The following NT5DC4 variants were observed in gnomAD, a reference collection of about 807,000 sequenced individuals.
The protein encoded by NT5DC4 is 5'-nucleotidase domain containing 4.
NT5DC4 carries 44 observed loss-of-function variants against 26.6 expected under a neutral mutation model. The observed-to-expected ratio is 1.65, with a 90% confidence interval of 1.30 to 2.13. The LOEUF (loss-of-function observed/expected upper bound fraction) is 2.13. NT5DC4 is among the 30% of genes most tolerant of loss of function. The probability of loss-of-function intolerance (pLI) is 0.00; values close to 1 mark genes in which losing one functional copy is unlikely to be tolerated. For synonymous variants in NT5DC4, 157 were observed against 86.7 expected (o/e 1.81, Z -4.51); for missense variants, 399 against 228.1 (o/e 1.75, Z -4.83).
Position 112,722,082 on chromosome 2 carries a change from AC to A in NT5DC4, c.246del (p.Tyr82Ter). On this transcript the variant is annotated frameshift_variant, in exon 3 of 17. Transcript: ENST00000688554. LOFTEE classifies it high-confidence loss of function. ...CCGCATGAGATCCTGCGCTACACCT[AC>A]GACCCCACCTTCCCCACCAGGTGTG... is the stretch of plus-strand genomic sequence containing the variant. ...GYPHEILRYTYDPTFPTRRLV... is the reference protein window; with the variant it reads ...GYPHEILRYTXDPTFPTRRLV... The A allele has an allele frequency of 1.4e-6, 1 of 717,060 alleles. No individual in the cohort carries two copies. Among genetic ancestry groups the A allele is most frequent in the Non-Finnish European group, 2.6e-6 (1 of 385,072 alleles). The allele number at this position is 717,060 out of a possible 1,614,324, so 44.4% of individuals were successfully genotyped here. A position where few individuals can be genotyped will look rare whatever the true frequency, so the allele number is the denominator to read the frequency against.
rs977057783 is a variant in NT5DC4, at chr2:112,723,456, T to A, written c.660T>A (p.Tyr220Ter). 3 of 717,006 alleles carry A rather than the reference T, an allele frequency of 4.2e-6. No homozygotes were observed. The highest frequency in any genetic ancestry group is 7.8e-6 in the Non-Finnish European group (3 of 385,036). 44.4% of individuals were successfully genotyped at this position (717,006 alleles called of 1,614,324 possible). ...LKKTLEDLEKYVKKDPRLPIL... is the reference protein window; with the variant it reads ...LKKTLEDLEK ...AGACCCTGGAGGACTTGGAGAAATATGTGAAGAAGGATGTGAGTGGCCACA... is the reference window on the plus strand; with the variant it reads ...AGACCCTGGAGGACTTGGAGAAATAAGTGAAGAAGGATGTGAGTGGCCACA... Residue 220 changes from tyrosine to a stop codon, truncating the protein, a stop_gained, in exon 8 of 17, where the codon TAT becomes TAA. Transcript: ENST00000688554. LOFTEE classifies it high-confidence loss of function.
chr2:112,723,682 A>T (rs1011854237), intron 8 of NT5DC4, 37 bp from the exon 9 acceptor site: 9 of 712,998 alleles, frequency 1.3e-5, no homozygotes, highest in African/African-American at 3.5e-5. Flanking sequence ...CAGCTCTGGG[A>T]GTCCCACCCC....
chr2:112,722,322 G>A, intron 4 of NT5DC4, 44 bp downstream of exon 4: 1 of 716,506 alleles, frequency 1.4e-6, no homozygotes, highest in South Asian at 1.5e-5. Context: ...CAGGAGGGGA[G>A]GACTGCTCAC....
intron 16 of NT5DC4, chr2:112,737,377 CTCA>C (rs760859991): frequency 6.6e-6 from 1 of 152,200 alleles, no homozygotes; most frequent in Non-Finnish European, 1.5e-5. Flanking sequence ...TCTCCACAAT[CTCA>C]TCAACATTTA....
upstream of NT5DC4, among the ~76,000 whole-genome samples, chr2:112,720,012 C>CCCTTCCTTCCTTCCTTCCTTCCTT (rs770903380): frequency 9.2e-4 from 90 of 97,626 alleles, no homozygotes; most frequent in African/African-American, 3.9e-3. Context: ...CTTTTCTTTT[C>CCCTTCCTTCCTTCCTTCCTTCCTT]CCTTCCTTCC....
intron 16 of NT5DC4, among the ~76,000 whole-genome samples, chr2:112,733,251 GTTTTTT>G (rs11309353): frequency 1.4e-5 from 2 of 147,836 alleles, no homozygotes; most frequent in South Asian, 4.3e-4. Flanking sequence ...TATTTGGGTA[GTTTTTT>G]TTTTTTTTTA....
At chr2:112,719,974 CTTTCTTTCTTTCTT>C (rs1424333076), upstream of NT5DC4, among the ~76,000 whole-genome samples, 4 of 79,706 alleles carry the variant, frequency 5.0e-5, no homozygotes, top group African/African-American at 2.0e-4. Flanking sequence ...TTCTTTCTTT[CTTTCTTTCTTTCTT>C]TTTCTTTTCT....
At chr2:112,719,988 T>TCC (rs1676739227), upstream of NT5DC4, among the ~76,000 whole-genome samples, 8 of 121,160 alleles carry the variant, frequency 6.6e-5, no homozygotes, top group South Asian at 2.7e-4. Flanking sequence ...CTTTCTTTCT[T>TCC]TTTCTTTTCT....
At chr2:112,724,470 G>A in intron 10 of NT5DC4, 1 of 569,144 alleles carries the variant, frequency 1.8e-6, no homozygotes, top group Non-Finnish European at 3.2e-6. Context: ...CACTGGGCAG[G>A]CAGCAGGGCC....
rs565319215 is a variant in NT5DC4, at chr2:112,734,959, G to A, written c.1345-3954G>A. ...CTCACCTCGGCCTCCCAAAGTGCTGGGATTATAGGCGTGAGCCACCGCACC... is the reference window on the plus strand; with the variant it reads ...CTCACCTCGGCCTCCCAAAGTGCTGAGATTATAGGCGTGAGCCACCGCACC... On this transcript the variant is annotated intron_variant, in intron 16 of 16. Transcript: ENST00000688554. 5.3e-5 allele frequency among the ~76,000 whole-genome samples: 8 copies of A among 151,912 alleles called. No individual in the cohort carries two copies. The East Asian group carries it at 1.6e-3, about 29-fold the overall frequency.
At chr2:112,734,742 T>C (rs1678891699) in intron 16 of NT5DC4, among the ~76,000 whole-genome samples, 1 of 152,242 alleles carries the variant, frequency 6.6e-6, no homozygotes, top group Non-Finnish European at 1.5e-5. Context: ...TAGGCTGGAA[T>C]GCAGTGGTGT....
At chr2:112,727,753 C>T (rs1010887891) in intron 15 of NT5DC4, among the ~76,000 whole-genome samples, 1 of 152,174 alleles carries the variant, frequency 6.6e-6, no homozygotes, top group Non-Finnish European at 1.5e-5. Flanking sequence ...CAGGTCAGGC[C>T]TAAGCGGGCT....
rs1676962088 is a variant in NT5DC4 at position 112,722,166 on chromosome 2, CG to C, written c.267-16del. ...TGGTACCCCCACCCACAGTGCCCCCCGACCCCCCGTCTGCAGGCGGCTGGTG... is the reference window on the plus strand; with the variant it reads ...TGGTACCCCCACCCACAGTGCCCCCCACCCCCCGTCTGCAGGCGGCTGGTG... On this transcript the variant is annotated splice_polypyrimidine_tract_variant and intron_variant, in intron 3 of 16. Transcript: ENST00000688554. The C allele has an allele frequency of 3.4e-6, 2 of 581,928 alleles. No homozygotes were observed. The highest frequency in any genetic ancestry group is 6.3e-6 in the Non-Finnish European group (2 of 317,948). The allele number at this position is 581,928 out of a possible 1,614,324, so 36.0% of individuals were successfully genotyped here.
chr2:112,733,305 C>A (rs1180390884), intron 16 of NT5DC4, among the ~76,000 whole-genome samples: 1 of 151,162 alleles, frequency 6.6e-6, no homozygotes, highest in Non-Finnish European at 1.5e-5. Flanking sequence ...TTTATCTATA[C>A]CTTAGGGACA....
chr2:112,725,042 C>T (rs1460005689), intron 11 of NT5DC4, 132 bp from the exon 12 acceptor site: 16 of 650,406 alleles, frequency 2.5e-5, no homozygotes, highest in Middle Eastern at 2.7e-4. Context: ...CCGCCTTCAG[C>T]GCCCTCTGCT....
At chr2:112,735,247 T>C (rs574637011) in intron 16 of NT5DC4, among the ~76,000 whole-genome samples, 63 of 152,100 alleles carry the variant, frequency 4.1e-4, no homozygotes, top group African/African-American at 1.5e-3. Flanking sequence ...TTTTGCCATG[T>C]TGGCCAGGCT....
chr2:112,732,268 A>G (rs926457909), intron 16 of NT5DC4, among the ~76,000 whole-genome samples: 3 of 152,048 alleles, frequency 2.0e-5, no homozygotes, highest in African/African-American at 7.2e-5. Context: ...TGACACTGCC[A>G]AGGCCTTTTC....
chr2:112,728,377 C>T (rs1162766132), intron 15 of NT5DC4, among the ~76,000 whole-genome samples: 1 of 152,160 alleles, frequency 6.6e-6, no homozygotes, highest in Non-Finnish European at 1.5e-5. Context: ...GGCTGGTTTT[C>T]CTCTGGGAGA....
At position 112,724,748 on chromosome 2, in the gene NT5DC4, T is replaced by G. The variant is rs1444346612; in HGVS notation, c.790-33T>G. ...TGTGGCAAGGTCAGATTTACCAGGC[T>G]GTGTGTGTGCAGCCCGTGTGCACCC... On this transcript the variant is annotated intron_variant, in intron 10 of 16. Transcript: ENST00000688554. 7 of 715,534 alleles carry G rather than the reference T, an allele frequency of 9.8e-6. No homozygotes were observed. In the Admixed American group the frequency reaches 1.4e-4, roughly 14 times the overall value. The allele number at this position is 715,534 out of a possible 1,614,324, so 44.3% of individuals were successfully genotyped here.
Sources: allele counts gnomAD v4.1 joint callset (sites outside exome capture counted in the v4.1 genomes callset), GRCh38; gene constraint gnomAD v4.1.1; transcripts MANE v1.5; gene names NCBI Gene and HGNC (gene_info 2026-07-23, HGNC 2026-07-21).